Variants in OR2Z1 observed in about 807,000 individuals in gnomAD.
The protein encoded by OR2Z1 is olfactory receptor 2Z1.
For synonymous variants in OR2Z1, 188 were observed against 160.6 expected (o/e 1.17, Z -1.29); for missense variants, 449 against 401.8 (o/e 1.12, Z -1.00).
At chr19:8,727,204 A>G (rs964148327) in intron 2 of OR2Z1, among the ~76,000 whole-genome samples, 35 of 152,114 alleles carry the variant, frequency 2.3e-4, no homozygotes, top group Admixed American at 2.2e-3. Context: ...GCAGCCTCCC[A>G]AAGTGCTGGG....
At chr19:8,724,002 GTGT>G (rs2043317353) in intron 2 of OR2Z1, among the ~76,000 whole-genome samples, 5 of 118,226 alleles carry the variant, frequency 4.2e-5, no homozygotes, top group Middle Eastern at 3.5e-3. Context: ...GTGTGTGTGT[GTGT>G]GTGTGTATGT....
In OR2Z1 at chr19:8,721,652, A is replaced by C. The variant is rs1287253311; in HGVS notation, c.-605A>C. 2.6e-5 allele frequency: 4 copies of C among 152,246 alleles called. No individual in the cohort carries two copies. Among genetic ancestry groups the C allele is most frequent in the Non-Finnish European group, 5.9e-5 (4 of 68,052 alleles). 9.4% of individuals were successfully genotyped at this position (152,246 alleles called of 1,614,324 possible). On this transcript the variant is annotated 5_prime_UTR_variant, in exon 1 of 3. It removes an upstream start codon present in the reference 5' UTR. Transcript: ENST00000641125. Reference sequence around the variant, plus strand: ...GGACATTTGCCAACCTGCACGCTGGATGCATCTTACCTTGTCTGTTATTGC... The same window carrying C: ...GGACATTTGCCAACCTGCACGCTGGCTGCATCTTACCTTGTCTGTTATTGC...
Position 8,732,157 on chromosome 19 carries a change from G to T in OR2Z1, c.*184G>T. The T allele has an allele frequency of 1.7e-6, 1 of 601,838 alleles. No individual in the cohort carries two copies. The highest frequency in any genetic ancestry group is 2.0e-5 in the South Asian group (1 of 49,798). 37.3% of individuals were successfully genotyped at this position (601,838 alleles called of 1,614,324 possible). On this transcript the variant is annotated 3_prime_UTR_variant, in exon 3 of 3. Transcript: ENST00000641125. ...AGGTAGAATACACGTAACATAAAAT[G>T]AGCCACTTTGAAGTGTAAAATTCAG...
intron 2 of OR2Z1, chr19:8,729,207 T>C (rs1465263029): frequency 8.1e-6 from 6 of 737,622 alleles, no homozygotes; most frequent in Admixed American, 2.1e-5. Flanking sequence ...GGCGCCATCT[T>C]GTGAAAAGGG....
intron 2 of OR2Z1, among the ~76,000 whole-genome samples, chr19:8,725,134 AT>A (rs2043322359): frequency 1.3e-5 from 2 of 152,314 alleles, no homozygotes; most frequent in Non-Finnish European, 1.5e-5. Flanking sequence ...TAAATTGCTC[AT>A]CAGACTATGC....
At position 8,732,042 on chromosome 19, in the gene OR2Z1, G is replaced by C. The variant is rs2043360734; in HGVS notation, c.*69G>C. The C allele has an allele frequency of 1.6e-6, 2 of 1,270,070 alleles. No homozygotes were observed. The highest frequency in any genetic ancestry group is 4.5e-5 in the Admixed American group (2 of 44,522). 78.7% of individuals were successfully genotyped at this position (1,270,070 alleles called of 1,614,324 possible). Reference sequence around the variant, plus strand: ...ACCCACCTTCCCAAAGTATGCATTTGGCATTCAATTGCCAATTTGTGCAAC... The same window carrying C: ...ACCCACCTTCCCAAAGTATGCATTTCGCATTCAATTGCCAATTTGTGCAAC... On this transcript the variant is annotated 3_prime_UTR_variant, in exon 3 of 3. Coordinates refer to ENST00000641125, the MANE Select transcript of OR2Z1 (RefSeq NM_001004699.3).
Position 8,722,018 on chromosome 19 carries a change from C to A in OR2Z1, c.-239C>A, listed in dbSNP as rs1401611901. 6.6e-6 allele frequency: 1 copy of A among 152,114 alleles called. No individual in the cohort carries two copies. The highest frequency in any genetic ancestry group is 1.5e-5 in the Non-Finnish European group (1 of 68,020). The allele number at this position is 152,114 out of a possible 1,614,324, so 9.4% of individuals were successfully genotyped here. A position where few individuals can be genotyped will look rare whatever the true frequency, so the allele number is the denominator to read the frequency against. On this transcript the variant is annotated 5_prime_UTR_variant, in exon 1 of 3. Coordinates refer to ENST00000641125, the MANE Select transcript of OR2Z1 (RefSeq NM_001004699.3). ...AAACTGGGTTCAAATCCCAGTCTAC[C>A]CTCTTCTTAGCTGTGTGACTTTAGG...
In OR2Z1 at chr19:8,731,239, A is replaced by C; in HGVS notation, c.211A>C (p.Ile71Leu). 6.2e-7 allele frequency: 1 copy of C among 1,614,008 alleles called. No homozygotes were observed. The highest frequency in any genetic ancestry group is 8.5e-7 in the Non-Finnish European group (1 of 1,179,988). The change falls in exon 3 of 3, where the codon ATT becomes CTT. Residue 71 changes from isoleucine to leucine, a missense_variant. Physicochemically the swap from Ile to Leu is conservative, Grantham distance 5. Transcript: ENST00000641125. ...FLLSQLSLFD[I>L]GCPMVTIPKM... The stretch of plus-strand genomic sequence containing the variant: ...GCTCAGCCAGCTCTCCCTGTTTGAC[A>C]TTGGCTGTCCCATGGTCACCATCCC...
rs1022548355 is a variant in OR2Z1 at position 8,726,422 on chromosome 19, G to C, written c.-170+3272G>C. ...CATTAAGGATTACAATTCAACATGA[G>C]ATGTGGGTGGGGACACAGGTCCAAA... On this transcript the variant is annotated intron_variant, in intron 2 of 2. Transcript: ENST00000641125. Among the ~76,000 whole-genome samples the C allele has an allele frequency of 2.6e-5, 4 of 152,350 alleles. No homozygotes were observed. In the South Asian group the frequency reaches 6.2e-4, roughly 24 times the overall value.
At chr19:8,727,643 G>GGGCAT in intron 2 of OR2Z1, among the ~76,000 whole-genome samples, 1 of 152,216 alleles carries the variant, frequency 6.6e-6, no homozygotes, top group Non-Finnish European at 1.5e-5. Flanking sequence ...AAGGCGAGCT[G>GGGCAT]ATCACTTGAG....
chr19:8,731,049 G>A lies in OR2Z1; in HGVS notation c.21G>A (p.Ser7=), dbSNP rs781936306. The A allele has an allele frequency of 2.4e-5, 38 of 1,613,916 alleles. 1 individual carries two copies. The highest frequency in any genetic ancestry group is 9.9e-5 in the South Asian group (9 of 91,086). Residue 7 remains serine (S), a synonymous_variant, in exon 3 of 3, where the codon TCG becomes TCA. Coordinates refer to ENST00000641125, the MANE Select transcript of OR2Z1 (RefSeq NM_001004699.3). ...AAAACATGGGGGATGTGAATCAGTC[G>A]GTGGCCTCAGACTTCATTCTGGTGG... MGDVNQ[S]VASDFILVGL... is the part of the protein sequence containing the mutation.
At chr19:8,722,132 C>G (rs896010810) in intron 1 of OR2Z1, 90 bp downstream of exon 1, 12 of 152,070 alleles carry the variant, frequency 7.9e-5, no homozygotes, top group African/African-American at 2.7e-4. Flanking sequence ...CATTTAACAA[C>G]TATTTACTGA....
chr19:8,729,734 G>A (rs1362377654), intron 2 of OR2Z1, among the ~76,000 whole-genome samples: 1 of 152,146 alleles, frequency 6.6e-6, no homozygotes, highest in Non-Finnish European at 1.5e-5. Context: ...GGGATTACAG[G>A]CATATGCCAC....
rs782435493 is a variant in OR2Z1 at position 8,728,589 on chromosome 19, G to C, written c.-169-2271G>C. 2.0e-4 allele frequency: 76 copies of C among 374,196 alleles called. 1 individual carries two copies. The highest frequency in any genetic ancestry group is 2.6e-5 in the Non-Finnish European group (5 of 195,466). The allele number at this position is 374,196 out of a possible 1,614,324, so 23.2% of individuals were successfully genotyped here. ...ATACGTTTGGGGGTACATATGCAAG[G>C]TGTGTTACATGGATATATTGCATGA... On this transcript the variant is annotated intron_variant, in intron 2 of 2. Coordinates refer to ENST00000641125, the MANE Select transcript of OR2Z1 (RefSeq NM_001004699.3).
In OR2Z1 at chr19:8,731,621, C is replaced by T. The variant is rs868977018; in HGVS notation, c.593C>T (p.Ala198Val). Reference protein sequence around the residue: ...SCADTCAYEMALSTSGVLILM... With the variant: ...SCADTCAYEMVLSTSGVLILM... ...GCAGATACCTGTGCCTACGAGATGG[C>T]GCTGTCCACCTCAGGGGTGCTGATC... The change falls in exon 3 of 3, where the codon GCG becomes GTG. Residue 198 changes from alanine to valine, a missense_variant. By Grantham distance (64) the Ala-to-Val change is moderately conservative. Transcript: ENST00000641125. 1.9e-6 allele frequency: 3 copies of T among 1,614,008 alleles called. No individual in the cohort carries two copies. Among genetic ancestry groups the T allele is most frequent in the Non-Finnish European group, 2.5e-6 (3 of 1,179,944 alleles).
In OR2Z1 at chr19:8,731,670, C is replaced by G. The variant is rs782808201; in HGVS notation, c.642C>G (p.Ile214Met). 7 of 1,614,128 alleles carry G rather than the reference C, an allele frequency of 4.3e-6. No homozygotes were observed. Among genetic ancestry groups the G allele is most frequent in the African/African-American group, 1.3e-5 (1 of 75,020 alleles). The change falls in exon 3 of 3, where the codon ATC (isoleucine) becomes ATG (methionine). Residue 214 changes from isoleucine to methionine, a missense_variant. Ile to Met is a conservative substitution (Grantham distance 10). Coordinates refer to ENST00000641125, the MANE Select transcript of OR2Z1 (RefSeq NM_001004699.3). ...VLILMLPLSL[I>M]ATSYGHVLQA... is the part of the protein sequence containing the mutation. ...TCCTAATGCTCCCTCTTTCCCTCAT[C>G]GCCACCTCCTACGGCCACGTGTTGC...
Position 8,731,817 on chromosome 19 carries a change from C to T in OR2Z1, c.789C>T (p.Cys263=), listed in dbSNP as rs782266389. The T allele has an allele frequency of 3.2e-5, 51 of 1,614,094 alleles. No homozygotes were observed. The highest frequency in any genetic ancestry group is 2.1e-5 in the Non-Finnish European group (25 of 1,180,042). The change falls in exon 3 of 3, where the codon TGC becomes TGT. Residue 263 remains cysteine (C), a synonymous_variant. Coordinates refer to ENST00000641125, the MANE Select transcript of OR2Z1 (RefSeq NM_001004699.3). ...GAAVFMYMVP[C]AYHSPQQDNV... ...CCGTGTTCATGTACATGGTGCCTTG[C>T]GCCTACCACAGTCCACAGCAGGATA...
At chr19:8,728,843 C>T (rs781885166) in intron 2 of OR2Z1, 16 of 639,480 alleles carry the variant, frequency 2.5e-5, no homozygotes, top group Non-Finnish European at 3.8e-5. Context: ...TGACCTTGGC[C>T]ACATCCATGT....
At chr19:8,722,161 C>T (rs1421473631) in intron 1 of OR2Z1, 119 bp downstream of exon 1, 1 of 151,658 alleles carries the variant, frequency 6.6e-6, no homozygotes, top group African/African-American at 2.4e-5. Context: ...TGCTGTGGAT[C>T]CTTGAGATGT....
Sources: allele counts gnomAD v4.1 joint callset (sites outside exome capture counted in the v4.1 genomes callset), GRCh38; gene constraint gnomAD v4.1.1; transcripts MANE v1.5; gene names NCBI Gene and HGNC (gene_info 2026-07-23, HGNC 2026-07-21).